Variants in CAMTA1 observed in about 807,000 individuals in gnomAD.
CAMTA1 encodes the protein calmodulin-binding transcription activator 1.
Under a neutral mutation model 170.9 loss-of-function variants are expected in CAMTA1, and 27 were observed. That is an observed-to-expected ratio of 0.16 (90% CI 0.12 to 0.22). The LOEUF (loss-of-function observed/expected upper bound fraction) is 0.22, where lower values mean the gene tolerates loss of function less well. Among genes scored for constraint, CAMTA1 ranks in the 10% least tolerant of loss-of-function variants. CAMTA1 has a pLI of 1.00. For missense variants in CAMTA1, 1,619 were observed against 2,217.2 expected (o/e 0.73, Z 5.42); for synonymous variants, 833 against 891.5 (o/e 0.93, Z 1.17).
intron 4 of CAMTA1, among the ~76,000 whole-genome samples, chr1:7,221,639 A>G (rs1193485738): frequency 6.6e-6 from 1 of 152,150 alleles, no homozygotes; most frequent in Admixed American, 6.6e-5. Flanking sequence ...CTGGGGTCTC[A>G]GTGTGAGCCT....
In CAMTA1 at chr1:7,682,185, T is replaced by C. The variant is rs1478778646; in HGVS notation, c.2914+4452T>C. On this transcript the variant is annotated intron_variant, in intron 11 of 22. Transcript: ENST00000303635. The surrounding 1 kb of genome is among the most constrained non-coding windows in gnomAD (Gnocchi z 5.0). ...GCCTCAGGGGTGAGGGGGGACCCTG[T>C]CATCTCAGGCAGAGCGGGGAGCATG... is the stretch of plus-strand genomic sequence containing the variant. Among the ~76,000 whole-genome samples the C allele has an allele frequency of 6.6e-6, 1 of 152,200 alleles. No individual in the cohort carries two copies. The highest frequency in any genetic ancestry group is 1.5e-5 in the Non-Finnish European group (1 of 68,044).
At chr1:7,538,661 A>T (rs1341414254) in intron 6 of CAMTA1, among the ~76,000 whole-genome samples, 1 of 151,418 alleles carries the variant, frequency 6.6e-6, no homozygotes, top group Non-Finnish European at 1.5e-5. Flanking sequence ...GTCTCTCAAC[A>T]AAAAAAAATG....
At chr1:7,729,395 C>T (rs1231569793) in intron 11 of CAMTA1, among the ~76,000 whole-genome samples, 3 of 152,148 alleles carry the variant, frequency 2.0e-5, no homozygotes, top group Non-Finnish European at 4.4e-5. Context: ...GGATTACAGG[C>T]GTGAGCCACC....
intron 4 of CAMTA1, among the ~76,000 whole-genome samples, chr1:7,119,801 A>C (rs10779675): frequency 0.2 from 30,799 of 152,118 alleles, 3,438 homozygotes; most frequent in African/African-American, 0.28. Flanking sequence ...GGGTTTCATA[A>C]GAGAATTAAG....
At position 7,332,270 on chromosome 1, in the gene CAMTA1, G is replaced by GAA. The variant is rs111375365; in HGVS notation, c.438+82651_438+82652dup. 6.3e-3 allele frequency among the ~76,000 whole-genome samples: 957 copies of GAA among 151,902 alleles called. 12 individuals are homozygous for GAA. Among genetic ancestry groups the GAA allele is most frequent in the African/African-American group, 0.022 (917 of 41,410 alleles). ...TATGAATGACTTCGGGGAAAGAGGAGAAAAAAAATCCTCCAGAATGTCATC... is the reference window on the plus strand; with the variant it reads ...TATGAATGACTTCGGGGAAAGAGGAGAAAAAAAAAATCCTCCAGAATGTCATC... On this transcript the variant is annotated intron_variant, in intron 5 of 22. Transcript: ENST00000303635.
At chr1:7,201,786 A>G (rs552228264) in intron 4 of CAMTA1, among the ~76,000 whole-genome samples, 20 of 152,330 alleles carry the variant, frequency 1.3e-4, no homozygotes, top group Non-Finnish European at 2.8e-4. Flanking sequence ...TATTCTAGAC[A>G]TAAGTTCTTT....
intron 6 of CAMTA1, among the ~76,000 whole-genome samples, chr1:7,509,925 C>G (rs141005580): frequency 5.3e-5 from 8 of 151,702 alleles, no homozygotes; most frequent in Non-Finnish European, 1.2e-4. Flanking sequence ...AGCAGCCCAG[C>G]GACCAAGGGG....
At chr1:7,166,642 A>T (rs1648504207) in intron 4 of CAMTA1, among the ~76,000 whole-genome samples, 1 of 151,596 alleles carries the variant, frequency 6.6e-6, no homozygotes, top group African/African-American at 2.4e-5. Context: ...TTGCTATTGG[A>T]TTGTCTGTCT....
chr1:7,338,010 AACATATAT>A (rs1191303781), intron 5 of CAMTA1, among the ~76,000 whole-genome samples: 11 of 142,246 alleles, frequency 7.7e-5, no homozygotes, highest in African/African-American at 1.4e-4. Flanking sequence ...ATAGCTACAT[AACATATAT>A]ACATATATAC....
intron 5 of CAMTA1, among the ~76,000 whole-genome samples, chr1:7,406,377 A>G (rs1375205020): frequency 6.6e-6 from 1 of 152,238 alleles, no homozygotes; most frequent in East Asian, 1.9e-4. Context: ...GAAAGGTAGG[A>G]CATGAGGCCA....
intron 11 of CAMTA1, among the ~76,000 whole-genome samples, chr1:7,729,365 C>T (rs1319591421): frequency 6.6e-6 from 1 of 152,218 alleles, no homozygotes; most frequent in Non-Finnish European, 1.5e-5. Context: ...AGTGATCTGT[C>T]TCAGCCTCTC....
At chr1:7,040,524 A>T (rs967196500) in intron 3 of CAMTA1, among the ~76,000 whole-genome samples, 2 of 152,174 alleles carry the variant, frequency 1.3e-5, no homozygotes, top group Non-Finnish European at 2.9e-5. Flanking sequence ...CACAGTTCAC[A>T]GCACCTGAAG....
At chr1:7,441,113 A>G (rs2092518583) in intron 5 of CAMTA1, 1 of 152,148 alleles carries the variant, frequency 6.6e-6, no homozygotes, top group South Asian at 2.1e-4. Flanking sequence ...GAGCTTCTTC[A>G]CCAGCTGAGA....
At chr1:7,344,963 G>C (rs1010579453) in intron 5 of CAMTA1, among the ~76,000 whole-genome samples, 2 of 151,914 alleles carry the variant, frequency 1.3e-5, no homozygotes, top group Non-Finnish European at 2.9e-5. Flanking sequence ...GTGTTAGCCA[G>C]GATGGTCTCC....
At chr1:7,079,117 G>A (rs1639686315) in intron 3 of CAMTA1, among the ~76,000 whole-genome samples, 1 of 152,182 alleles carries the variant, frequency 6.6e-6, no homozygotes, top group South Asian at 2.1e-4. Flanking sequence ...CCCGACTGGG[G>A]AGCTGTCCTT....
At chr1:7,101,974 CAG>C (rs1558098036) in intron 4 of CAMTA1, among the ~76,000 whole-genome samples, 1 of 151,904 alleles carries the variant, frequency 6.6e-6, no homozygotes, top group Non-Finnish European at 1.5e-5. Flanking sequence ...GCATGCAGCA[CAG>C]AAATACACAT....
chr1:7,518,283 C>T (rs1027246258), intron 6 of CAMTA1, among the ~76,000 whole-genome samples: 2 of 151,938 alleles, frequency 1.3e-5, no homozygotes, highest in East Asian at 1.9e-4. Context: ...GGAGGTGTGG[C>T]GGGATCTCTC....
At chr1:7,610,300 G>C (rs1207542110) in intron 6 of CAMTA1, among the ~76,000 whole-genome samples, 1 of 152,228 alleles carries the variant, frequency 6.6e-6, no homozygotes. Context: ...CAAACCGGTG[G>C]CTCCCTGAGG....
chr1:7,185,196 A>G (rs1653009913), intron 4 of CAMTA1, among the ~76,000 whole-genome samples: 1 of 152,246 alleles, frequency 6.6e-6, no homozygotes, highest in African/African-American at 2.4e-5. Flanking sequence ...TTCTAGAAAT[A>G]TAAATGCATG....
Sources: gnomAD v4.1 joint callset for allele counts (sites outside exome capture counted in the v4.1 genomes callset) on GRCh38, gnomAD v4.1.1 for gene constraint, Gnocchi (gnomAD v3.1) non-coding constraint, MANE v1.5 for transcripts, NCBI Gene and HGNC (gene_info 2026-07-23, HGNC 2026-07-21) for gene names.